The following SERPINI1 variants were observed in gnomAD, a reference collection of about 807,000 sequenced individuals.
The protein encoded by SERPINI1 is serpin family I member 1, also known as neuroserpin.
In SERPINI1, 19 loss-of-function variants were observed where a neutral mutation model predicts 41.1. The observed-to-expected ratio is 0.46, with a 90% CI of 0.32 to 0.68. SERPINI1 has a LOEUF of 0.68. Ranked by LOEUF, SERPINI1 falls within the 30% of genes least tolerant of loss-of-function variation. The pLI, the probability that SERPINI1 is intolerant of heterozygous loss-of-function variation, is 0.03. For synonymous variants in SERPINI1, 138 were observed against 156.6 expected, an observed-to-expected ratio of 0.88 and a Z score of 0.89; for missense variants, 460 against 479.2, an observed-to-expected ratio of 0.96 and a Z score of 0.37.
chr3:167,738,639 A>G lies in SERPINI1; in HGVS notation c.-19+2816A>G, dbSNP rs774502849. The stretch of plus-strand genomic sequence containing the variant: ...TAGAGGCCTGTATTCATACTGGGAT[A>G]CATTACTTTTCTAAGTAAAATTGAA... On this transcript the variant is annotated intron_variant, in intron 1 of 8. Coordinates refer to ENST00000446050, the MANE Select transcript of SERPINI1 (RefSeq NM_001122752.2). Among the ~76,000 whole-genome samples, 27 of 152,008 alleles carry G rather than the reference A, an allele frequency of 1.8e-4. 1 individual carries two copies. Among genetic ancestry groups the G allele is most frequent in the Non-Finnish European group, 2.9e-4 (20 of 67,924 alleles).
At chr3:167,818,559 C>T (rs1462326895) in intron 6 of SERPINI1, among the ~76,000 whole-genome samples, 1 of 151,718 alleles carries the variant, frequency 6.6e-6, no homozygotes, top group Non-Finnish European at 1.5e-5. Context: ...TGGACAATCT[C>T]TTCTTTTTTT....
intron 6 of SERPINI1, among the ~76,000 whole-genome samples, chr3:167,820,910 T>C (rs1296410071): frequency 6.6e-6 from 1 of 152,160 alleles, no homozygotes; most frequent in African/African-American, 2.4e-5. Context: ...AATCAGCACA[T>C]ACTTCCTCCC....
At chr3:167,801,100 GGGCCACTGCACCC>G (rs1319531140) in intron 5 of SERPINI1, among the ~76,000 whole-genome samples, 1 of 152,238 alleles carries the variant, frequency 6.6e-6, no homozygotes, top group Non-Finnish European at 1.5e-5. Context: ...TTACAGGCAT[GGGCCACTGCACCC>G]GGCCCTGATT....
intron 1 of SERPINI1, among the ~76,000 whole-genome samples, chr3:167,775,240 A>C (rs1367210622): frequency 7.7e-6 from 1 of 130,140 alleles, no homozygotes. Context: ...TATTATTATT[A>C]TTATTATTAT....
chr3:167,807,559 A>C (rs1297586113), intron 6 of SERPINI1, among the ~76,000 whole-genome samples: 1 of 152,190 alleles, frequency 6.6e-6, no homozygotes, highest in Non-Finnish European at 1.5e-5. Context: ...TATCTTTGAC[A>C]ATAGATTATA....
At chr3:167,771,089 T>C (rs552957241) in intron 1 of SERPINI1, among the ~76,000 whole-genome samples, 2 of 152,342 alleles carry the variant, frequency 1.3e-5, no homozygotes, top group South Asian at 2.1e-4. Context: ...TTTAATAATA[T>C]AACCTCTGTA....
chr3:167,745,120 C>A (rs1371295612), intron 1 of SERPINI1, among the ~76,000 whole-genome samples: 1 of 151,380 alleles, frequency 6.6e-6, no homozygotes, highest in African/African-American at 2.4e-5. Context: ...TAGAAAGACA[C>A]AAACTACTGA....
intron 1 of SERPINI1, among the ~76,000 whole-genome samples, chr3:167,759,445 A>AT (rs939251220): frequency 6.1e-5 from 8 of 130,736 alleles, no homozygotes; most frequent in African/African-American, 2.3e-4. Flanking sequence ...CTATGCAGCC[A>AT]TAAAAAAGAA....
In SERPINI1 at chr3:167,790,464, C is replaced by A; in HGVS notation, c.343C>A (p.Gln115Lys). The change falls in exon 3 of 9, where the codon CAA (glutamine) becomes AAA (lysine). Residue 115 changes from glutamine (Q) to lysine (K), a missense_variant. Gln to Lys is a moderately conservative substitution (Grantham distance 53). Transcript: ENST00000446050. ...VMKIANSLFV[Q>K]NGFHVNEEFL... is the part of the protein sequence containing the mutation. ...GAAAATTGCCAATTCCTTGTTTGTG[C>A]AAAATGGATTTCATGTCAATGAGGA... 6.2e-7 allele frequency: 1 copy of A among 1,613,926 alleles called. No homozygotes were observed. Among genetic ancestry groups the A allele is most frequent in the Non-Finnish European group, 8.5e-7 (1 of 1,179,848 alleles).
chr3:167,792,172 G>T (rs1416814617), intron 3 of SERPINI1, among the ~76,000 whole-genome samples: 1 of 151,998 alleles, frequency 6.6e-6, no homozygotes, highest in African/African-American at 2.4e-5. Flanking sequence ...AGCATTTATT[G>T]AGTGTTTACT....
At chr3:167,742,659 T>TTTA (rs1725717057) in intron 1 of SERPINI1, among the ~76,000 whole-genome samples, 14 of 152,312 alleles carry the variant, frequency 9.2e-5, no homozygotes, top group Admixed American at 2.6e-4. Context: ...GAAGTGGAGA[T>TTTA]ATCAAAGACT....
chr3:167,795,730 G>A (rs1727688561), intron 5 of SERPINI1, among the ~76,000 whole-genome samples: 1 of 152,026 alleles, frequency 6.6e-6, no homozygotes, highest in South Asian at 2.1e-4. Flanking sequence ...TTTTCTTTCT[G>A]TAAGTTCTAG....
At chr3:167,804,911 A>T in intron 5 of SERPINI1, among the ~76,000 whole-genome samples, 1 of 152,148 alleles carries the variant, frequency 6.6e-6, no homozygotes, top group Non-Finnish European at 1.5e-5. Flanking sequence ...AAGTTTGGTG[A>T]TACAATTCAT....
rs577063979 is a variant in SERPINI1, at chr3:167,759,779, AAATG to A, written c.-19+23959_-19+23962del. Among the ~76,000 whole-genome samples the A allele has an allele frequency of 3.5e-3, 531 of 152,320 alleles. 2 individuals are homozygous for A. Among genetic ancestry groups the A allele is most frequent in the Middle Eastern group, 0.014 (4 of 294 alleles). On this transcript the variant is annotated intron_variant, in intron 1 of 8. Transcript: ENST00000446050. ...TACTCCCTGAAACTAAAATAAAAAT[AAATG>A]AAGTAATGAATGAGACTGAGTTCCA...
intron 1 of SERPINI1, among the ~76,000 whole-genome samples, chr3:167,763,316 C>T (rs1726444616): frequency 6.6e-6 from 1 of 151,964 alleles, no homozygotes; most frequent in Non-Finnish European, 1.5e-5. Flanking sequence ...CCTCGTTTCC[C>T]ATTCCTCTCA....
intron 1 of SERPINI1, among the ~76,000 whole-genome samples, chr3:167,759,412 A>ATC: frequency 1.3e-5 from 2 of 148,900 alleles, no homozygotes; most frequent in African/African-American, 5.0e-5. Context: ...ATATATATAT[A>ATC]TATATATATG....
chr3:167,819,557 C>A (rs955534796), intron 6 of SERPINI1, among the ~76,000 whole-genome samples: 1 of 152,036 alleles, frequency 6.6e-6, no homozygotes, highest in Non-Finnish European at 1.5e-5. Flanking sequence ...TATCTTAATA[C>A]CAAATAAGAT....
chr3:167,813,296 C>T (rs538584218), intron 6 of SERPINI1, among the ~76,000 whole-genome samples: 1 of 152,340 alleles, frequency 6.6e-6, no homozygotes, highest in Admixed American at 6.5e-5. Flanking sequence ...TCACCCTGCA[C>T]AGCAGCTGCC....
At chr3:167,797,764 G>C (rs1348256491) in intron 5 of SERPINI1, among the ~76,000 whole-genome samples, 1 of 149,430 alleles carries the variant, frequency 6.7e-6, no homozygotes, top group East Asian at 2.0e-4. Context: ...TATGATAATT[G>C]ACATTTATAT....
Sources: gnomAD v4.1 joint callset for allele counts (sites outside exome capture counted in the v4.1 genomes callset) on GRCh38, gnomAD v4.1.1 for gene constraint, MANE v1.5 for transcripts, NCBI Gene and HGNC (gene_info 2026-07-23, HGNC 2026-07-21) for gene names.